Variants in SOX5 observed in about 807,000 individuals in gnomAD.
SOX5 encodes SRY-box transcription factor 5.
In SOX5, 9 loss-of-function variants were observed where a neutral mutation model predicts 92.0. The ratio of observed to expected loss-of-function variants is 0.10; its 90% CI spans 0.06 to 0.17. SOX5 has a LOEUF of 0.17. SOX5 is among the 10% of genes least tolerant of loss of function. The pLI, the probability that SOX5 is intolerant of heterozygous loss-of-function variation, is 1.00. For missense variants in SOX5, 642 were observed against 944.5 expected (o/e 0.68, Z 4.20); for synonymous variants, 344 against 336.3 (o/e 1.02, Z -0.25).
At chr12:24,461,642 C>T (rs1237490964) in intron 1 of SOX5, among the ~76,000 whole-genome samples, 1 of 152,028 alleles carries the variant, frequency 6.6e-6, no homozygotes. Context: ...TTTACTTTGT[C>T]TTGGGTATTA....
chr12:23,690,861 A>T (rs1359978332), intron 6 of SOX5, among the ~76,000 whole-genome samples: 3 of 151,874 alleles, frequency 2.0e-5, no homozygotes, highest in Non-Finnish European at 2.9e-5. Context: ...TAATTAGCTC[A>T]CTCCACTTAT....
chr12:23,552,206 AC>A (rs1358261951), intron 11 of SOX5, among the ~76,000 whole-genome samples: 3 of 151,930 alleles, frequency 2.0e-5, no homozygotes, highest in African/African-American at 7.2e-5. Flanking sequence ...AGGAAATATG[AC>A]TTTAGCACTT....
intron 4 of SOX5, among the ~76,000 whole-genome samples, chr12:24,038,344 A>T (rs1000979366): frequency 2.0e-5 from 3 of 152,130 alleles, no homozygotes; most frequent in East Asian, 3.9e-4. Context: ...GACAATACCA[A>T]TTCTAGAAAC....
intron 6 of SOX5, among the ~76,000 whole-genome samples, chr12:23,677,420 G>C (rs920297861): frequency 1.3e-5 from 2 of 152,078 alleles, no homozygotes; most frequent in Non-Finnish European, 2.9e-5. Flanking sequence ...AGTTCAAATT[G>C]AGACACTGTG....
intron 2 of SOX5, among the ~76,000 whole-genome samples, chr12:23,853,786 A>T (rs1026203342): frequency 2.6e-5 from 4 of 152,136 alleles, no homozygotes; most frequent in Non-Finnish European, 5.9e-5. Flanking sequence ...CTTCCTGGGG[A>T]TGATATGTGC....
At chr12:24,094,029 C>A (rs1450018542) in intron 4 of SOX5, among the ~76,000 whole-genome samples, 3 of 151,478 alleles carry the variant, frequency 2.0e-5, no homozygotes, top group Admixed American at 6.6e-5. Context: ...TCACTGCAAC[C>A]TCTGCCTCCC....
At chr12:24,337,615 C>T (rs1477594519) in intron 2 of SOX5, among the ~76,000 whole-genome samples, 2 of 152,162 alleles carry the variant, frequency 1.3e-5, no homozygotes, top group South Asian at 2.1e-4. Context: ...GCTGGGATTA[C>T]AAGCATGAGT....
chr12:23,797,348 T>C (rs1033757873), intron 3 of SOX5, among the ~76,000 whole-genome samples: 7 of 152,050 alleles, frequency 4.6e-5, no homozygotes, highest in Admixed American at 3.3e-4. Flanking sequence ...CCATATAATA[T>C]GCTTTTATTA....
intron 1 of SOX5, among the ~76,000 whole-genome samples, chr12:24,440,594 T>TTGTGTGTGTGTGTGTGTG (rs56082162): frequency 2.1e-5 from 3 of 139,632 alleles, no homozygotes; most frequent in Non-Finnish European, 3.1e-5. Context: ...ACATGATCCT[T>TTGTGTGTGTGTGTGTGTG]TGTGTGTGTG....
chr12:24,206,529 A>G (rs1217495089), intron 4 of SOX5, among the ~76,000 whole-genome samples: 1 of 152,200 alleles, frequency 6.6e-6, no homozygotes, highest in East Asian at 1.9e-4. Context: ...TCAACAGGAA[A>G]GCTTGTAATT....
chr12:23,687,820 G>A (rs1012593673), intron 6 of SOX5, among the ~76,000 whole-genome samples: 1 of 151,450 alleles, frequency 6.6e-6, no homozygotes, highest in Non-Finnish European at 1.5e-5. Flanking sequence ...TGGCTGCAAC[G>A]AAGCACTGGG....
intron 4 of SOX5, among the ~76,000 whole-genome samples, chr12:24,019,775 G>C (rs1217359221): frequency 6.6e-6 from 1 of 152,090 alleles, no homozygotes; most frequent in Non-Finnish European, 1.5e-5. Context: ...TCTCTTCCAG[G>C]GAAAGGCTTA....
intron 4 of SOX5, among the ~76,000 whole-genome samples, chr12:23,745,869 T>G (rs1254587639): frequency 2.6e-5 from 4 of 152,300 alleles, no homozygotes; most frequent in African/African-American, 7.2e-5. Context: ...TAGCAGCAAC[T>G]GTAAATGATG....
At chr12:24,052,084 G>A (rs757849273) in intron 4 of SOX5, among the ~76,000 whole-genome samples, 13 of 151,888 alleles carry the variant, frequency 8.6e-5, no homozygotes, top group Non-Finnish European at 1.5e-4. Context: ...CGTTCCTTCC[G>A]CATCTTTGCT....
At chr12:23,537,940 T>C (rs992100272) in intron 13 of SOX5, among the ~76,000 whole-genome samples, 1 of 79,230 alleles carries the variant, frequency 1.3e-5, no homozygotes, top group Non-Finnish European at 2.9e-5. Flanking sequence ...TCAGTAGTAA[T>C]AGCGTTTTTT....
intron 4 of SOX5, among the ~76,000 whole-genome samples, chr12:24,004,887 G>C (rs1050296377): frequency 6.6e-6 from 1 of 151,942 alleles, no homozygotes; most frequent in Admixed American, 6.6e-5. Flanking sequence ...ATGGGTGAAA[G>C]AATAAACAAA....
intron 2 of SOX5, among the ~76,000 whole-genome samples, chr12:24,346,152 C>T (rs149155971): frequency 9.9e-5 from 15 of 152,232 alleles, no homozygotes; most frequent in East Asian, 1.9e-4. Context: ...TATTGAAATG[C>T]GGGAAAACGA....
intron 3 of SOX5, among the ~76,000 whole-genome samples, chr12:24,233,977 C>T (rs1320284297): frequency 6.6e-6 from 1 of 152,182 alleles, no homozygotes; most frequent in African/African-American, 2.4e-5. Flanking sequence ...CAAGAACAAT[C>T]TTTAGGGAAA....
intron 9 of SOX5, among the ~76,000 whole-genome samples, chr12:23,576,342 C>T (rs1000641115): frequency 6.6e-6 from 1 of 152,214 alleles, no homozygotes; most frequent in African/African-American, 2.4e-5. Context: ...CACGCACACA[C>T]AAGAAAATTT....
Sources: allele counts gnomAD v4.1 joint callset (sites outside exome capture counted in the v4.1 genomes callset), GRCh38; gene constraint gnomAD v4.1.1; transcripts MANE v1.5; gene names NCBI Gene and HGNC (gene_info 2026-07-23, HGNC 2026-07-21).